The following UBE2L6 variants were observed in gnomAD, a reference collection of about 807,000 sequenced individuals.
The protein encoded by UBE2L6 is ubiquitin conjugating enzyme E2 L6.
Under a neutral mutation model 13.6 loss-of-function variants are expected in UBE2L6, and 11 were observed. The ratio of observed to expected loss-of-function variants is 0.81; its 90% CI spans 0.51 to 1.34. The LOEUF (loss-of-function observed/expected upper bound fraction) is 1.34, where lower values mean the gene tolerates loss of function less well. UBE2L6 is among the 40% of genes most tolerant of loss of function. The probability of loss-of-function intolerance (pLI) is 0.00; values close to 1 mark genes in which losing one functional copy is unlikely to be tolerated. For missense variants in UBE2L6, 197 were observed against 199.5 expected, an observed-to-expected ratio of 0.99 and a Z score of 0.07; for synonymous variants, 74 against 83.2, an observed-to-expected ratio of 0.89 and a Z score of 0.60.
intron 3 of UBE2L6, among the ~76,000 whole-genome samples, chr11:57,553,407 T>G (rs963081119): frequency 6.6e-6 from 1 of 152,310 alleles, no homozygotes. Flanking sequence ...GGTGGGAGGA[T>G]GGCTTGAGCC....
chr11:57,560,290 G>T, intron 2 of UBE2L6, 47 bp downstream of exon 2: 2 of 1,500,438 alleles, frequency 1.3e-6, no homozygotes, highest in Non-Finnish European at 1.9e-6. Flanking sequence ...CATGTCCCTG[G>T]CCTAATTTGG....
At chr11:57,564,326 G>GA (rs376624703) in intron 1 of UBE2L6, among the ~76,000 whole-genome samples, 1 of 152,070 alleles carries the variant, frequency 6.6e-6, no homozygotes, top group Non-Finnish European at 1.5e-5. Flanking sequence ...ACGGCTGAGG[G>GA]AAAAAATCTT....
chr11:57,562,433 C>T (rs1480902345), intron 1 of UBE2L6, among the ~76,000 whole-genome samples: 1 of 152,240 alleles, frequency 6.6e-6, no homozygotes, highest in East Asian at 1.9e-4. Context: ...ACAAGCCTGG[C>T]TGGCTTCACC....
chr11:57,561,738 T>C (rs1339144902), intron 1 of UBE2L6, among the ~76,000 whole-genome samples: 3 of 152,202 alleles, frequency 2.0e-5, no homozygotes, highest in African/African-American at 7.2e-5. Context: ...CAGCCTTTAA[T>C]ATGCTATTGT....
chr11:57,563,429 C>T (rs1368030742), intron 1 of UBE2L6, among the ~76,000 whole-genome samples: 3 of 146,436 alleles, frequency 2.0e-5, no homozygotes, highest in Non-Finnish European at 3.0e-5. Context: ...TGCAGTGAGC[C>T]GAGAGCATGC....
In UBE2L6 at chr11:57,566,949, C is replaced by T. The variant is rs1220761645; in HGVS notation, c.27+636G>A. Reference sequence around the variant, plus strand: ...CGGATTTGTGTTCATCTCTGCCCGCCCCCCCCCCCCTCCTAGAACAGGGCC... The same window carrying T: ...CGGATTTGTGTTCATCTCTGCCCGCTCCCCCCCCCCTCCTAGAACAGGGCC... On this transcript the variant is annotated intron_variant, in intron 1 of 3. Coordinates refer to ENST00000287156, the MANE Select transcript of UBE2L6 (RefSeq NM_004223.5). 7.6e-5 allele frequency: 3 copies of T among 39,594 alleles called. 1 individual carries two copies. The highest frequency in any genetic ancestry group is 1.6e-4 in the Non-Finnish European group (3 of 18,342). The allele number at this position is 39,594 out of a possible 1,614,324, so 2.5% of individuals were successfully genotyped here.
Position 57,552,556 on chromosome 11 carries a change from AG to A in UBE2L6, c.311-48del, listed in dbSNP as rs772373748. On this transcript the variant is annotated intron_variant, in intron 3 of 3. Coordinates refer to ENST00000287156, the MANE Select transcript of UBE2L6 (RefSeq NM_004223.5). ...CAGGATATCAGGGCAGAGGGAAGGGAGTCATGGCTGCCCGTTCCCAATGTCC... is the reference window on the plus strand; with the variant it reads ...CAGGATATCAGGGCAGAGGGAAGGGATCATGGCTGCCCGTTCCCAATGTCC... 1.9e-6 allele frequency: 3 copies of A among 1,609,686 alleles called. No homozygotes were observed. In the Admixed American group the frequency reaches 5.0e-5, roughly 27 times the overall value.
intron 3 of UBE2L6, 117 bp downstream of exon 3, chr11:57,554,320 C>T: frequency 1.6e-6 from 2 of 1,274,356 alleles, no homozygotes; most frequent in South Asian, 1.5e-5. Context: ...TCAGCCAAGA[C>T]TCACAATTTT....
intron 1 of UBE2L6, 50 bp from the exon 2 acceptor site, chr11:57,560,482 A>G: frequency 7.2e-7 from 1 of 1,395,262 alleles, no homozygotes; most frequent in Non-Finnish European, 1.0e-6. Flanking sequence ...TCCTTATTTC[A>G]GCCCCCTCCC....
At chr11:57,563,408 G>A (rs1256887758) in intron 1 of UBE2L6, among the ~76,000 whole-genome samples, 1 of 149,970 alleles carries the variant, frequency 6.7e-6, no homozygotes, top group Non-Finnish European at 1.5e-5. Context: ...GAGAATTGGA[G>A]AGGCAGAGGT....
intron 3 of UBE2L6, among the ~76,000 whole-genome samples, chr11:57,553,232 G>A (rs1258561477): frequency 2.0e-5 from 3 of 152,240 alleles, no homozygotes; most frequent in African/African-American, 4.8e-5. Flanking sequence ...GGTGGCTCAC[G>A]CCTGTAATCC....
At chr11:57,558,983 C>G (rs1945017646) in intron 2 of UBE2L6, among the ~76,000 whole-genome samples, 1 of 152,218 alleles carries the variant, frequency 6.6e-6, no homozygotes, top group Non-Finnish European at 1.5e-5. Context: ...CCACCTTGGT[C>G]TTGCCAACTA....
chr11:57,554,128 A>C (rs1430567738), intron 3 of UBE2L6, among the ~76,000 whole-genome samples: 1 of 152,080 alleles, frequency 6.6e-6, no homozygotes, highest in Non-Finnish European at 1.5e-5. Flanking sequence ...AGGAACGAAA[A>C]CTTGCCCAAA....
intron 2 of UBE2L6, among the ~76,000 whole-genome samples, chr11:57,555,565 T>G (rs1290171721): frequency 6.6e-6 from 1 of 151,970 alleles, no homozygotes; most frequent in African/African-American, 2.4e-5. Context: ...TGGTGATGGT[T>G]GTGCAACAAT....
At chr11:57,566,942 T>TCCCC in intron 1 of UBE2L6, 1 of 193,390 alleles carries the variant, frequency 5.2e-6, no homozygotes, top group South Asian at 2.7e-5. Flanking sequence ...TGTTCATCTC[T>TCCCC]GCCCGCCCCC....
At chr11:57,566,924 C>T (rs1260694187) in intron 1 of UBE2L6, 3 of 440,364 alleles carry the variant, frequency 6.8e-6, no homozygotes, top group African/African-American at 4.2e-5. Flanking sequence ...CAACAAGGGC[C>T]GGATTTGTGT....
chr11:57,554,534 T>C lies in UBE2L6; in HGVS notation c.213A>G (p.Thr71=). ...YPFKPPMIKF[T]TKIYHPNVDE... is the part of the protein sequence containing the mutation. Reference sequence around the variant, plus strand: ...CCACGTTGGGGTGGTAGATCTTGGTTGTGAATTTGATCATGGGAGGCTTGA... The same window carrying C: ...CCACGTTGGGGTGGTAGATCTTGGTCGTGAATTTGATCATGGGAGGCTTGA... The change falls in exon 3 of 4, where the codon ACA becomes ACG. Residue 71 remains threonine, a synonymous_variant. Coordinates refer to ENST00000287156, the MANE Select transcript of UBE2L6 (RefSeq NM_004223.5). The C allele has an allele frequency of 6.2e-7, 1 of 1,613,268 alleles. No individual in the cohort carries two copies.
At position 57,552,333 on chromosome 11, in the gene UBE2L6, A is replaced by G. The variant is rs1944965085; in HGVS notation, c.*25T>C. The G allele has an allele frequency of 3.1e-6, 5 of 1,613,110 alleles. No individual in the cohort carries two copies. Among genetic ancestry groups the G allele is most frequent in the Non-Finnish European group, 4.2e-6 (5 of 1,179,248 alleles). The stretch of plus-strand genomic sequence containing the variant: ...TGTCCGTCCGCTATGCCGAGGATCC[A>G]GTGCACAGAGGGTCAGAACATGAGT... On this transcript the variant is annotated 3_prime_UTR_variant, in exon 4 of 4. Transcript: ENST00000287156.
upstream of UBE2L6, chr11:57,567,732 A>G: frequency 1.7e-6 from 2 of 1,200,140 alleles, no homozygotes; most frequent in South Asian, 3.0e-5. Flanking sequence ...CCCCTCCTCC[A>G]GCCGTCGCTG....
Sources: gnomAD v4.1 joint callset for allele counts (sites outside exome capture counted in the v4.1 genomes callset) on GRCh38, gnomAD v4.1.1 for gene constraint, MANE v1.5 for transcripts, NCBI Gene and HGNC (gene_info 2026-07-23, HGNC 2026-07-21) for gene names.